The following TRPM6 variants were observed in gnomAD, a reference collection of about 807,000 sequenced individuals.
TRPM6 encodes transient receptor potential cation channel subfamily M member 6.
TRPM6 carries 111 observed loss-of-function variants against 247.6 expected under a neutral mutation model. The ratio of observed to expected loss-of-function variants is 0.45; its 90% confidence interval spans 0.38 to 0.52. The LOEUF is 0.52. Among genes scored for constraint, TRPM6 ranks in the 20% least tolerant of loss-of-function variants. The pLI is 0.00. For missense variants in TRPM6, 2,126 were observed against 2,421.5 expected, an observed-to-expected ratio of 0.88 and a Z score of 2.56; for synonymous variants, 892 against 853.8, an observed-to-expected ratio of 1.04 and a Z score of -0.78.
chr9:74,808,137 T>A lies in TRPM6; in HGVS notation c.1535A>T (p.Asp512Val). ...LLSGYRITLIDIGLVVEYLIG... is the reference protein window; with the variant it reads ...LLSGYRITLIVIGLVVEYLIG... Reference sequence around the variant, plus strand: ...GAGGTATTCTACTACTAATCCAATGTCAATCAAGGTTATTCGGTAGCCTGA... The same window carrying A: ...GAGGTATTCTACTACTAATCCAATGACAATCAAGGTTATTCGGTAGCCTGA... The change falls in exon 14 of 39, where the codon GAC becomes GTC. Residue 512 changes from aspartate (D) to valine (V), a missense_variant. By Grantham distance (152) the Asp-to-Val change is radical (BLOSUM62 -3). Coordinates refer to ENST00000360774, the MANE Select transcript of TRPM6 (RefSeq NM_017662.5). The A allele has an allele frequency of 6.2e-7, 1 of 1,614,016 alleles. No homozygotes were observed. Among genetic ancestry groups the A allele is most frequent in the Non-Finnish European group, 8.5e-7 (1 of 1,179,934 alleles).
intron 21 of TRPM6, 77 bp from the exon 22 acceptor site, chr9:74,782,930 A>G (rs922026054): frequency 1.5e-6 from 2 of 1,353,716 alleles, no homozygotes; most frequent in Non-Finnish European, 2.1e-6. Context: ...AGCAGCCATC[A>G]TAACTATACC....
intron 27 of TRPM6, among the ~76,000 whole-genome samples, chr9:74,760,142 G>A (rs1201990588): frequency 6.6e-6 from 1 of 152,152 alleles, no homozygotes; most frequent in Non-Finnish European, 1.5e-5. Context: ...TAGCCTAAAT[G>A]TACAGTGTTT....
In TRPM6 at chr9:74,739,848, T is replaced by A. The variant is rs1446320781; in HGVS notation, c.5362A>T (p.Thr1788Ser). ...GLRKAMRVVS[T>S]WSEDDILKPG... The stretch of plus-strand genomic sequence containing the variant: ...TTGAGAATGTCATCCTCAGACCAAG[T>A]GCTGACGACTCTCATAGCTTTACGG... Residue 1788 changes from threonine (T) to serine (S), a missense_variant, in exon 34 of 39, where the codon ACT becomes TCT. By Grantham distance (58) the Thr-to-Ser change is moderately conservative (BLOSUM62 1). This residue lies in a region of TRPM6 where 327 missense variants were observed against 397.7 expected (regional missense o/e 0.82). Coordinates refer to ENST00000360774, the MANE Select transcript of TRPM6 (RefSeq NM_017662.5). 6.2e-7 allele frequency: 1 copy of A among 1,614,150 alleles called. No individual in the cohort carries two copies. Among genetic ancestry groups the A allele is most frequent in the Non-Finnish European group, 8.5e-7 (1 of 1,180,014 alleles).
At chr9:74,881,049 C>G (rs987960522) in intron 1 of TRPM6, among the ~76,000 whole-genome samples, 1 of 152,090 alleles carries the variant, frequency 6.6e-6, no homozygotes, top group African/African-American at 2.4e-5. Flanking sequence ...AATCCTAGCA[C>G]TTTGGGAGGC....
At chr9:74,882,570 G>A (rs1331608698) in intron 1 of TRPM6, among the ~76,000 whole-genome samples, 4 of 152,078 alleles carry the variant, frequency 2.6e-5, no homozygotes, top group East Asian at 1.9e-4. Flanking sequence ...ATATCATCTC[G>A]CTCCAGTTAA....
intron 24 of TRPM6, among the ~76,000 whole-genome samples, chr9:74,773,650 A>C (rs1162947284): frequency 6.6e-6 from 1 of 152,250 alleles, no homozygotes; most frequent in African/African-American, 2.4e-5. Context: ...TAAATTGGAA[A>C]GTTCTCTTTC....
intron 1 of TRPM6, among the ~76,000 whole-genome samples, chr9:74,885,727 T>C (rs1831510335): frequency 6.6e-6 from 1 of 152,132 alleles, no homozygotes; most frequent in South Asian, 2.1e-4. Flanking sequence ...ACCAGAAGTA[T>C]AATGAAAATC....
intron 28 of TRPM6, among the ~76,000 whole-genome samples, chr9:74,754,882 C>T (rs1457334101): frequency 6.6e-6 from 1 of 152,196 alleles, no homozygotes; most frequent in Non-Finnish European, 1.5e-5. Flanking sequence ...CTCTCCTCTA[C>T]AAACACCATT....
At chr9:74,751,275 T>A (rs1826234906) in intron 29 of TRPM6, among the ~76,000 whole-genome samples, 1 of 152,212 alleles carries the variant, frequency 6.6e-6, no homozygotes. Context: ...GGCCTTTTCA[T>A]AGTTGTTATT....
intron 37 of TRPM6, among the ~76,000 whole-genome samples, chr9:74,728,942 G>A (rs1390275316): frequency 6.6e-6 from 1 of 152,176 alleles, no homozygotes; most frequent in East Asian, 1.9e-4. Context: ...ATGTGTTGGT[G>A]GAAGTAAAGT....
chr9:74,844,206 A>C (rs1006073764), intron 3 of TRPM6, among the ~76,000 whole-genome samples: 3 of 152,206 alleles, frequency 2.0e-5, no homozygotes, highest in African/African-American at 4.8e-5. Context: ...ATACTGATAG[A>C]CTTGCTCGAT....
chr9:74,811,136 A>G (rs1231752329), intron 12 of TRPM6, among the ~76,000 whole-genome samples: 1 of 152,218 alleles, frequency 6.6e-6, no homozygotes, highest in Non-Finnish European at 1.5e-5. Context: ...TAGGTAATTT[A>G]TTACTATCCT....
chr9:74,872,268 G>A (rs1831051055), intron 1 of TRPM6, among the ~76,000 whole-genome samples: 7 of 151,630 alleles, frequency 4.6e-5, no homozygotes, highest in Admixed American at 4.6e-4. Flanking sequence ...TTACAGGCAT[G>A]AGCCACCACA....
At chr9:74,875,166 T>C (rs1831154511) in intron 1 of TRPM6, 2 of 432,712 alleles carry the variant, frequency 4.6e-6, no homozygotes, top group Non-Finnish European at 9.5e-6. Flanking sequence ...CATCATCATC[T>C]GCAGGTCAGA....
intron 14 of TRPM6, among the ~76,000 whole-genome samples, chr9:74,806,999 G>C (rs1828546760): frequency 6.6e-6 from 1 of 152,184 alleles, no homozygotes; most frequent in African/African-American, 2.4e-5. Context: ...ACTTGTCACT[G>C]GGAACCTCAC....
chr9:74,740,908 C>T (rs1357585916), intron 33 of TRPM6, among the ~76,000 whole-genome samples: 3 of 152,072 alleles, frequency 2.0e-5, no homozygotes, highest in African/African-American at 7.2e-5. Context: ...ATTGAAAATG[C>T]ATGGTTTAAC....
intron 36 of TRPM6, among the ~76,000 whole-genome samples, chr9:74,734,044 A>G (rs180880884): frequency 3.9e-5 from 6 of 152,348 alleles, no homozygotes; most frequent in Non-Finnish European, 8.8e-5. Context: ...AGATGACACT[A>G]AAGCCTAAAA....
rs574878262 is a variant in TRPM6, at chr9:74,803,416, G to A, written c.1731+378C>T. Among the ~76,000 whole-genome samples the A allele has an allele frequency of 1.6e-4, 25 of 152,146 alleles. No individual in the cohort carries two copies. The South Asian group carries it at 3.7e-3, about 23-fold the overall frequency. On this transcript the variant is annotated intron_variant, in intron 15 of 38. Transcript: ENST00000360774. Reference sequence around the variant, plus strand: ...AAAAAAAGATGCAAAAAGTCAATGCGGCAGAGAAGTGAAGAAAAGAAGGAA... The same window carrying A: ...AAAAAAAGATGCAAAAAGTCAATGCAGCAGAGAAGTGAAGAAAAGAAGGAA...
At chr9:74,867,843 T>C (rs928032842) in intron 1 of TRPM6, among the ~76,000 whole-genome samples, 6 of 138,836 alleles carry the variant, frequency 4.3e-5, no homozygotes, top group African/African-American at 1.5e-4. Flanking sequence ...AATAGGTTTA[T>C]TCATTCATTT....
Sources: allele counts gnomAD v4.1 joint callset (sites outside exome capture counted in the v4.1 genomes callset), GRCh38; gene constraint gnomAD v4.1.1; regional missense constraint gnomAD v4.1.1; transcripts MANE v1.5; gene names NCBI Gene and HGNC (gene_info 2026-07-23, HGNC 2026-07-21).